CAVIN1: variants seen among roughly 807,000 people sequenced by gnomAD.
CAVIN1 encodes the protein caveolae-associated protein 1.
In CAVIN1, 16 loss-of-function variants were observed where a neutral mutation model predicts 24.0. The ratio of observed to expected loss-of-function variants is 0.67; its 90% CI spans 0.45 to 1.01. CAVIN1 has a LOEUF of 1.01. Ranked by LOEUF, CAVIN1 falls within the 50% of genes least tolerant of loss-of-function variation. The pLI is 0.00. For missense variants in CAVIN1, 510 were observed against 551.7 expected (o/e 0.92, Z 0.76); for synonymous variants, 256 against 256.4 (o/e 1.00, Z 0.02).
At chr17:42,420,494 C>T (rs2085538832) in intron 1 of CAVIN1, among the ~76,000 whole-genome samples, 1 of 152,204 alleles carries the variant, frequency 6.6e-6, no homozygotes, top group Admixed American at 6.5e-5. Flanking sequence ...AGGTTGGGAC[C>T]ATTTCAGTTC....
At chr17:42,413,558 CAAAAAGGGAAAAAAAAAAAAAAA>C (rs1431394784) in intron 1 of CAVIN1, among the ~76,000 whole-genome samples, 4,682 of 56,926 alleles carry the variant, frequency 0.082, 98 homozygotes, top group South Asian at 0.16. Context: ...AAGTCTGTCT[CAAAAAGGGAAAAAAAAAAAAAAA>C]AAAAAAAAAA....
At position 42,402,965 on chromosome 17, in the gene CAVIN1, G is replaced by A. The variant is rs199816033; in HGVS notation, c.*1722C>T. On this transcript the variant is annotated 3_prime_UTR_variant, in exon 2 of 2. Transcript: ENST00000357037. Reference sequence around the variant, plus strand: ...ACAGAATCAGGCCTCTGGACTGGGAGCAACACTCCCTTCACCCGCAAAGAT... The same window carrying A: ...ACAGAATCAGGCCTCTGGACTGGGAACAACACTCCCTTCACCCGCAAAGAT... 5.3e-5 allele frequency: 8 copies of A among 152,350 alleles called. No homozygotes were observed. The highest frequency in any genetic ancestry group is 8.8e-5 in the Non-Finnish European group (6 of 68,184). The allele number at this position is 152,350 out of a possible 1,614,324, so 9.4% of individuals were successfully genotyped here. A position where few individuals can be genotyped will look rare whatever the true frequency, so the allele number is the denominator to read the frequency against.
At chr17:42,416,333 A>G (rs975052738) in intron 1 of CAVIN1, among the ~76,000 whole-genome samples, 3 of 151,864 alleles carry the variant, frequency 2.0e-5, no homozygotes, top group East Asian at 1.9e-4. Context: ...ACGCTACTGC[A>G]CTCCGGCCTG....
At chr17:42,411,743 G>A (rs2085480071) in intron 1 of CAVIN1, 1 of 985,324 alleles carries the variant, frequency 1.0e-6, no homozygotes, top group Non-Finnish European at 1.2e-6. Flanking sequence ...GGCAGAACCA[G>A]AAGCCATGCG....
chr17:42,415,816 CA>C (rs112491437), intron 1 of CAVIN1, among the ~76,000 whole-genome samples: 1 of 149,666 alleles, frequency 6.7e-6, no homozygotes, highest in African/African-American at 2.5e-5. Context: ...GTTATATTTC[CA>C]AAAAAAAATG....
intron 1 of CAVIN1, among the ~76,000 whole-genome samples, chr17:42,406,035 A>T (rs564111363): frequency 2.0e-5 from 3 of 152,300 alleles, no homozygotes; most frequent in African/African-American, 7.2e-5. Context: ...AATGGTGACT[A>T]AACAGACCGC....
chr17:42,408,620 T>C (rs2085459085), intron 1 of CAVIN1, among the ~76,000 whole-genome samples: 1 of 151,918 alleles, frequency 6.6e-6, no homozygotes, highest in African/African-American at 2.4e-5. Flanking sequence ...GCCTCCCAAA[T>C]AGCTGAGATT....
At position 42,404,947 on chromosome 17, in the gene CAVIN1, G is replaced by A; in HGVS notation, c.913C>T (p.His305Tyr). 6.2e-7 allele frequency: 1 copy of A among 1,614,142 alleles called. No homozygotes were observed. The highest frequency in any genetic ancestry group is 8.5e-7 in the Non-Finnish European group (1 of 1,179,986). ...GTCTTGGAGCGCGCGTACACCACGT[G>A]GTCGGGCGTGAAGGATTTGCGCAAC... ...DKLRKSFTPD[H>Y]VVYARSKTAV... The change falls in exon 2 of 2, where the codon CAC becomes TAC. Residue 305 changes from histidine to tyrosine, a missense_variant. Physicochemically the swap from His to Tyr is moderately conservative, Grantham distance 83. Coordinates refer to ENST00000357037, the MANE Select transcript of CAVIN1 (RefSeq NM_012232.6).
chr17:42,419,996 C>G (rs1371748468), intron 1 of CAVIN1, among the ~76,000 whole-genome samples: 1 of 151,782 alleles, frequency 6.6e-6, no homozygotes, highest in African/African-American at 2.4e-5. Flanking sequence ...ACAAGGGATT[C>G]CCTCCTTTTC....
At chr17:42,405,421 T>C in intron 1 of CAVIN1, 33 bp from the exon 2 acceptor site, 1 of 1,598,122 alleles carries the variant, frequency 6.3e-7, no homozygotes, top group South Asian at 1.1e-5. Context: ...ATGAGAGGCG[T>C]CGGAGGAGGC....
intron 1 of CAVIN1, among the ~76,000 whole-genome samples, chr17:42,413,832 T>G (rs1444367028): frequency 6.6e-6 from 1 of 152,094 alleles, no homozygotes; most frequent in Non-Finnish European, 1.5e-5. Context: ...GAGGCTCAGA[T>G]GAGTAAATAC....
intron 1 of CAVIN1, 136 bp downstream of exon 1, chr17:42,422,491 A>G: frequency 2.0e-5 from 4 of 201,102 alleles, no homozygotes; most frequent in South Asian, 5.0e-5. Context: ...CACCGGAAGG[A>G]GGGTGGATCT....
Position 42,404,303 on chromosome 17 carries a change from A to C in CAVIN1, c.*384T>G. On this transcript the variant is annotated 3_prime_UTR_variant, in exon 2 of 2. Coordinates refer to ENST00000357037, the MANE Select transcript of CAVIN1 (RefSeq NM_012232.6). Reference sequence around the variant, plus strand: ...GAGTCCCCCAGGGATCAGGGTGAGAATGAAGAAGAGCTCAGTGAGCGGAAT... The same window carrying C: ...GAGTCCCCCAGGGATCAGGGTGAGACTGAAGAAGAGCTCAGTGAGCGGAAT... The C allele has an allele frequency of 4.1e-5, 7 of 171,880 alleles. No individual in the cohort carries two copies. Among genetic ancestry groups the C allele is most frequent in the Non-Finnish European group, 6.1e-5 (5 of 81,732 alleles). 10.6% of individuals were successfully genotyped at this position (171,880 alleles called of 1,614,324 possible). A position where few individuals can be genotyped will look rare whatever the true frequency, so the allele number is the denominator to read the frequency against.
At chr17:42,422,462 A>ACCCCCCCCCCCCCC in intron 1 of CAVIN1, among the ~76,000 whole-genome samples, 165 bp downstream of exon 1, 1 of 133,862 alleles carries the variant, frequency 7.5e-6, no homozygotes, top group East Asian at 2.6e-4. Flanking sequence ...ACCCCACCCA[A>ACCCCCCCCCCCCCC]CCCCACCCCA....
intron 1 of CAVIN1, among the ~76,000 whole-genome samples, chr17:42,421,733 C>CG (rs1372075643): frequency 6.6e-6 from 1 of 152,102 alleles, no homozygotes; most frequent in African/African-American, 2.4e-5. Context: ...CGGGCGGAGC[C>CG]GGGGGGTGGG....
In CAVIN1 at chr17:42,422,660, C is replaced by T. The variant is rs754111313; in HGVS notation, c.438G>A (p.Leu146=). The part of the protein sequence containing the change: ...KKLEVNEAEL[L]RRRNFKVMIY... ...TCATGACTTTAAAGTTGCGGCGCCG[C>T]AGCAGCTCGGCCTCGTTGACCTCCA... The change falls in exon 1 of 2, where the codon CTG becomes CTA. Residue 146 remains leucine (L), a synonymous_variant. Coordinates refer to ENST00000357037, the MANE Select transcript of CAVIN1 (RefSeq NM_012232.6). The T allele has an allele frequency of 4.4e-6, 7 of 1,598,488 alleles. No homozygotes were observed. The highest frequency in any genetic ancestry group is 6.0e-6 in the Non-Finnish European group (7 of 1,173,002).
chr17:42,409,254 C>T (rs1458421899), intron 1 of CAVIN1, among the ~76,000 whole-genome samples: 1 of 152,130 alleles, frequency 6.6e-6, no homozygotes, highest in Non-Finnish European at 1.5e-5. Flanking sequence ...GCGCACGCCA[C>T]CATGCCCAGC....
rs1243368301 is a variant in CAVIN1 at position 42,402,665 on chromosome 17, GA to G, written c.*2021del. On this transcript the variant is annotated 3_prime_UTR_variant, in exon 2 of 2. Coordinates refer to ENST00000357037, the MANE Select transcript of CAVIN1 (RefSeq NM_012232.6). ...AGAGAACCGAGAAAGGGAAAAGGAA[GA>G]AAAAAAAAAAAAAAGCAAAGCTTTG... 0.012 allele frequency: 1,183 copies of G among 95,298 alleles called. 9 individuals carry two copies. Among genetic ancestry groups the G allele is most frequent in the African/African-American group, 0.025 (647 of 25,870 alleles). 5.9% of individuals were successfully genotyped at this position (95,298 alleles called of 1,614,324 possible).
chr17:42,405,982 C>T (rs954182636), intron 1 of CAVIN1, among the ~76,000 whole-genome samples: 3 of 152,130 alleles, frequency 2.0e-5, no homozygotes, highest in African/African-American at 4.8e-5. Context: ...CCACTGCGCC[C>T]GGCCTCGCGC....
Sources: allele counts gnomAD v4.1 joint callset (sites outside exome capture counted in the v4.1 genomes callset), GRCh38; gene constraint gnomAD v4.1.1; transcripts MANE v1.5; gene names NCBI Gene and HGNC (gene_info 2026-07-23, HGNC 2026-07-21).